The following FAM13C variants were observed in gnomAD, a reference collection of about 807,000 sequenced individuals.
The protein encoded by FAM13C is protein FAM13C.
In FAM13C, 37 loss-of-function variants were observed where a neutral mutation model predicts 73.2. The observed-to-expected ratio is 0.51, with a 90% CI of 0.39 to 0.67. The LOEUF (loss-of-function observed/expected upper bound fraction) is 0.67. Among genes scored for constraint, FAM13C ranks in the 30% least tolerant of loss-of-function variants. FAM13C has a pLI of 0.00. For missense variants in FAM13C, 589 were observed against 715.6 expected (o/e 0.82, Z 2.02); for synonymous variants, 246 against 260.9 (o/e 0.94, Z 0.55).
In FAM13C at chr10:59,247,498, A is replaced by G. The variant is rs1227327144; in HGVS notation, c.*116T>C. On this transcript the variant is annotated 3_prime_UTR_variant, in exon 14 of 14. Transcript: ENST00000618804. ...CTATTCCTTCTTAAAAACAGCTAAT[A>G]CTACCACTAAAGTGCTTCCATTTTC... 1 of 1,274,958 alleles carries G rather than the reference A, an allele frequency of 7.8e-7. No individual in the cohort carries two copies. Among genetic ancestry groups the G allele is most frequent in the Non-Finnish European group, 1.1e-6 (1 of 896,324 alleles). The allele number at this position is 1,274,958 out of a possible 1,614,324, so 79.0% of individuals were successfully genotyped here. A position where few individuals can be genotyped will look rare whatever the true frequency, so the allele number is the denominator to read the frequency against.
At position 59,264,007 on chromosome 10, in the gene FAM13C, C is replaced by T. The variant is rs1261037103; in HGVS notation, c.1024+78G>A. The T allele has an allele frequency of 5.3e-6, 7 of 1,322,820 alleles. No homozygotes were observed. In the South Asian group the frequency reaches 8.2e-5, roughly 16 times the overall value. The allele number at this position is 1,322,820 out of a possible 1,614,324, so 81.9% of individuals were successfully genotyped here. On this transcript the variant is annotated intron_variant, in intron 9 of 13. Coordinates refer to ENST00000618804, the MANE Select transcript of FAM13C (RefSeq NM_198215.4). Reference sequence around the variant, plus strand: ...CAAGAGGGCACAGGTGGAAATGAATCTAAAATGCTCTGGAGCACATTATCA... The same window carrying T: ...CAAGAGGGCACAGGTGGAAATGAATTTAAAATGCTCTGGAGCACATTATCA...
intron 5 of FAM13C, among the ~76,000 whole-genome samples, chr10:59,287,461 C>T (rs1045857920): frequency 4.8e-5 from 7 of 146,684 alleles, no homozygotes; most frequent in African/African-American, 1.8e-4. Flanking sequence ...CTTTCTTTAA[C>T]TTTACCTTTC....
At chr10:59,343,186 A>G (rs1853744160) in intron 3 of FAM13C, among the ~76,000 whole-genome samples, 1 of 152,230 alleles carries the variant, frequency 6.6e-6, no homozygotes, top group Non-Finnish European at 1.5e-5. Flanking sequence ...TTGGAAGAAA[A>G]GAAGAAATCA....
At chr10:59,263,597 C>G (rs545057304) in intron 9 of FAM13C, among the ~76,000 whole-genome samples, 11 of 152,254 alleles carry the variant, frequency 7.2e-5, no homozygotes, top group African/African-American at 2.4e-4. Flanking sequence ...AATACTCTCA[C>G]CACCATCTCC....
chr10:59,326,867 T>C (rs1005146205), intron 3 of FAM13C, among the ~76,000 whole-genome samples: 1 of 152,172 alleles, frequency 6.6e-6, no homozygotes, highest in Non-Finnish European at 1.5e-5. Flanking sequence ...AGATAATATA[T>C]GATTATTGCA....
intron 11 of FAM13C, chr10:59,253,797 GA>G: frequency 6.6e-6 from 1 of 152,342 alleles, no homozygotes; most frequent in East Asian, 1.9e-4. Context: ...GATGGAGTAG[GA>G]TTTGTGATGC....
At chr10:59,330,642 G>T (rs1013313858) in intron 3 of FAM13C, among the ~76,000 whole-genome samples, 1 of 152,098 alleles carries the variant, frequency 6.6e-6, no homozygotes, top group Admixed American at 6.6e-5. Flanking sequence ...GCTGCCTTGA[G>T]TATTTTGACA....
chr10:59,352,374 C>A lies in FAM13C; in HGVS notation c.220G>T (p.Val74Leu), dbSNP rs1466286996. The part of the protein sequence containing the change: ...EPQQQNVEAT[V>L]LVDSVLRPSM... ...GGTCGCAATACGCTGTCCACCAGCA[C>A]GGTCGCCTCTACATTCTGCTGCTGC... Residue 74 changes from valine (V) to leucine (L), a missense_variant, in exon 3 of 14, where the codon GTG becomes TTG. Coordinates refer to ENST00000618804, the MANE Select transcript of FAM13C (RefSeq NM_198215.4). 6 of 1,614,032 alleles carry A rather than the reference C, an allele frequency of 3.7e-6. No individual in the cohort carries two copies. The South Asian group carries it at 6.6e-5, about 18-fold the overall frequency.
intron 3 of FAM13C, among the ~76,000 whole-genome samples, chr10:59,339,604 C>G (rs1330930732): frequency 6.6e-6 from 1 of 152,140 alleles, no homozygotes; most frequent in Non-Finnish European, 1.5e-5. Flanking sequence ...TGTCTTTACT[C>G]CCCTCAACTT....
intron 3 of FAM13C, among the ~76,000 whole-genome samples, chr10:59,324,818 A>G (rs566346669): frequency 4.6e-5 from 7 of 152,062 alleles, no homozygotes; most frequent in Non-Finnish European, 1.0e-4. Flanking sequence ...AGAAACCACA[A>G]TGTGGGTTAT....
chr10:59,332,250 GTGTGTGTATTATTAC>G (rs1288184741), intron 3 of FAM13C, among the ~76,000 whole-genome samples: 1 of 152,164 alleles, frequency 6.6e-6, no homozygotes, highest in Non-Finnish European at 1.5e-5. Flanking sequence ...ATGTGTGTGT[GTGTGTGTATTATTAC>G]TGTGCAGTTA....
At chr10:59,313,616 A>G (rs1257449493) in intron 4 of FAM13C, among the ~76,000 whole-genome samples, 1 of 152,196 alleles carries the variant, frequency 6.6e-6, no homozygotes, top group Non-Finnish European at 1.5e-5. Context: ...GTTGAGATTG[A>G]GTTGGGAAAC....
chr10:59,261,046 C>T (rs550970764), intron 10 of FAM13C, among the ~76,000 whole-genome samples: 6 of 152,154 alleles, frequency 3.9e-5, no homozygotes, highest in African/African-American at 9.6e-5. Context: ...GAGATTTAGA[C>T]GTTGACCAAG....
intron 3 of FAM13C, among the ~76,000 whole-genome samples, chr10:59,332,497 C>G (rs1852129778): frequency 6.6e-6 from 1 of 152,084 alleles, no homozygotes; most frequent in South Asian, 2.1e-4. Context: ...AGCTCATTGC[C>G]TGACCCACTT....
At chr10:59,287,829 A>G (rs1381390439) in intron 5 of FAM13C, among the ~76,000 whole-genome samples, 2 of 152,178 alleles carry the variant, frequency 1.3e-5, no homozygotes, top group Admixed American at 6.5e-5. Context: ...CCAAACCCCA[A>G]AGGCTGCCGG....
intron 7 of FAM13C, among the ~76,000 whole-genome samples, chr10:59,269,171 T>G (rs188803979): frequency 2.8e-4 from 43 of 152,162 alleles, no homozygotes; most frequent in African/African-American, 9.6e-4. Context: ...GCAATGCCAA[T>G]AATTCACTAA....
chr10:59,353,207 C>T (rs1323608381), intron 2 of FAM13C, among the ~76,000 whole-genome samples: 1 of 152,170 alleles, frequency 6.6e-6, no homozygotes, highest in African/African-American at 2.4e-5. Context: ...GTTCAACAAT[C>T]AAATTCTGTA....
intron 8 of FAM13C, among the ~76,000 whole-genome samples, chr10:59,265,538 G>T (rs187874115): frequency 6.6e-5 from 10 of 152,160 alleles, no homozygotes; most frequent in Admixed American, 6.5e-4. Context: ...TCTCCACTCC[G>T]ATCTGAGAAC....
chr10:59,357,085 G>A (rs1855807794), intron 1 of FAM13C, among the ~76,000 whole-genome samples: 1 of 152,148 alleles, frequency 6.6e-6, no homozygotes, highest in South Asian at 2.1e-4. Flanking sequence ...TACTTTTGAG[G>A]TTTTGGGACT....
Sources: gnomAD v4.1 joint callset for allele counts (sites outside exome capture counted in the v4.1 genomes callset) on GRCh38, gnomAD v4.1.1 for gene constraint, MANE v1.5 for transcripts, NCBI Gene and HGNC (gene_info 2026-07-23, HGNC 2026-07-21) for gene names.